Variants in IL1RN observed in about 807,000 individuals in gnomAD.
IL1RN encodes the protein interleukin-1 receptor antagonist protein.
IL1RN carries 10 observed loss-of-function variants against 13.7 expected under a neutral mutation model. That is an observed-to-expected ratio of 0.73 (90% confidence interval 0.45 to 1.24). The LOEUF is 1.24. Among genes scored for constraint, IL1RN ranks in the 50% most tolerant of loss-of-function variants. IL1RN has a pLI of 0.00. For synonymous variants in IL1RN, 102 were observed against 82.7 expected, an observed-to-expected ratio of 1.23 and a Z score of -1.27; for missense variants, 213 against 222.1, an observed-to-expected ratio of 0.96 and a Z score of 0.26.
At chr2:113,130,989 T>C (rs1011150165) in intron 2 of IL1RN, 56 bp from the exon 3 acceptor site, 30 of 1,137,614 alleles carry the variant, frequency 2.6e-5, no homozygotes, top group Non-Finnish European at 3.8e-5. Flanking sequence ...CGGGGTCTCT[T>C]CATTATTGCT....
At chr2:113,124,728 A>C (rs1436234728), upstream of IL1RN, among the ~76,000 whole-genome samples, 1 of 152,156 alleles carries the variant, frequency 6.6e-6, no homozygotes, top group Non-Finnish European at 1.5e-5. Flanking sequence ...CAGATAATGA[A>C]ACTGAGACCA....
chr2:113,105,321 T>A (rs1179474800), upstream of IL1RN, among the ~76,000 whole-genome samples: 2 of 152,116 alleles, frequency 1.3e-5, no homozygotes, highest in African/African-American at 4.8e-5. Context: ...TCCAGCTGAG[T>A]ACTAGGGCCA....
intron 2 of IL1RN, 87 bp downstream of exon 2, chr2:113,129,751 C>T: frequency 1.1e-6 from 1 of 882,046 alleles, no homozygotes; most frequent in South Asian, 1.3e-5. Context: ...CCTGCACAAA[C>T]CCTAGGTGCA....
At chr2:113,108,082 G>A (rs1452068289), upstream of IL1RN, among the ~76,000 whole-genome samples, 2 of 152,294 alleles carry the variant, frequency 1.3e-5, no homozygotes, top group Admixed American at 6.5e-5. Context: ...CTGGTCAGAA[G>A]TCTTACTGGG....
At chr2:113,102,659 T>C (rs1271394070), upstream of IL1RN, among the ~76,000 whole-genome samples, 1 of 151,934 alleles carries the variant, frequency 6.6e-6, no homozygotes, top group Non-Finnish European at 1.5e-5. Flanking sequence ...GGGGAGGTTT[T>C]ATAGGATTTG....
upstream of IL1RN, among the ~76,000 whole-genome samples, chr2:113,104,380 C>G (rs1193994822): frequency 6.6e-6 from 1 of 152,120 alleles, no homozygotes; most frequent in Non-Finnish European, 1.5e-5. Flanking sequence ...TTAGCAGTGA[C>G]TCACTGACTG....
upstream of IL1RN, among the ~76,000 whole-genome samples, chr2:113,109,755 T>G (rs1314412248): frequency 7.2e-6 from 1 of 138,260 alleles, no homozygotes; most frequent in African/African-American, 2.6e-5. Context: ...TCTAAACTAT[T>G]ATGACTGCAA....
chr2:113,104,790 A>C (rs1686364106), upstream of IL1RN, among the ~76,000 whole-genome samples: 1 of 152,094 alleles, frequency 6.6e-6, no homozygotes, highest in African/African-American at 2.4e-5. Context: ...AATGGGACTG[A>C]TAAGAAACAG....
chr2:113,122,951 C>A (rs1686827143), upstream of IL1RN, among the ~76,000 whole-genome samples: 2 of 152,078 alleles, frequency 1.3e-5, no homozygotes, highest in South Asian at 4.1e-4. Context: ...CATAGTGAAA[C>A]CCTGTCTCTA....
At chr2:113,132,290 T>C (rs1687198839) in intron 3 of IL1RN, among the ~76,000 whole-genome samples, 1 of 152,070 alleles carries the variant, frequency 6.6e-6, no homozygotes, top group South Asian at 2.1e-4. Flanking sequence ...CTATTAAAAA[T>C]AGAAAACATT....
At chr2:113,102,373 G>C (rs576564509), upstream of IL1RN, among the ~76,000 whole-genome samples, 4 of 152,278 alleles carry the variant, frequency 2.6e-5, no homozygotes, top group East Asian at 7.7e-4. Context: ...TTTCTTATAG[G>C]CTCTATCTTC....
At chr2:113,117,903 A>G (rs1686632714) in exon 1 of IL1RN, 1 of 784,266 alleles carries the variant, frequency 1.3e-6, no homozygotes, top group Non-Finnish European at 2.4e-6. Flanking sequence ...GGGCAGCTCC[A>G]CCCTGGGAGG....
chr2:113,100,611 C>G, the IL1RN span, among the ~76,000 whole-genome samples: 1 of 152,176 alleles, frequency 6.6e-6, no homozygotes, highest in Non-Finnish European at 1.5e-5. Flanking sequence ...CACTCTATCG[C>G]ACAGATGCAG....
chr2:113,130,563 A>G (rs1441348256), intron 2 of IL1RN, among the ~76,000 whole-genome samples: 1 of 151,104 alleles, frequency 6.6e-6, no homozygotes, highest in Non-Finnish European at 1.5e-5. Context: ...TGGACATCAC[A>G]TGGAACAACA....
At chr2:113,111,353 G>C (rs1274978823) in intron 1 of IL1RN, among the ~76,000 whole-genome samples, 1 of 152,198 alleles carries the variant, frequency 6.6e-6, no homozygotes, top group Non-Finnish European at 1.5e-5. Flanking sequence ...TTTATTTATG[G>C]AGAAGGCACT....
chr2:113,123,470 TG>T (rs1170673775), upstream of IL1RN, among the ~76,000 whole-genome samples: 3 of 152,200 alleles, frequency 2.0e-5, no homozygotes, highest in African/African-American at 7.2e-5. Context: ...TTTGGAAATC[TG>T]GGTCAGCCTT....
upstream of IL1RN, among the ~76,000 whole-genome samples, chr2:113,116,327 C>G (rs182947805): frequency 3.3e-5 from 5 of 152,216 alleles, no homozygotes; most frequent in Non-Finnish European, 5.9e-5. Flanking sequence ...GTTTACAAAT[C>G]TAGTTTCTGA....
chr2:113,118,911 T>C (rs4251978), intron 1 of IL1RN, among the ~76,000 whole-genome samples: 31,846 of 151,960 alleles, frequency 0.21, 4,059 homozygotes, highest in South Asian at 0.28. Context: ...GTGGTGCATG[T>C]CTGCAATCTT....
At chr2:113,116,884 A>G (rs1573282567), upstream of IL1RN, among the ~76,000 whole-genome samples, 1 of 152,358 alleles carries the variant, frequency 6.6e-6, no homozygotes, top group South Asian at 2.1e-4. Flanking sequence ...GATAGGGCAG[A>G]TAGCATCAGG....
Sources: allele counts gnomAD v4.1 joint callset (sites outside exome capture counted in the v4.1 genomes callset), GRCh38; gene constraint gnomAD v4.1.1; transcripts MANE v1.5; gene names NCBI Gene and HGNC (gene_info 2026-07-23, HGNC 2026-07-21).